Variants in FTCD observed in about 807,000 individuals in gnomAD.
The protein encoded by FTCD is formimidoyltransferase cyclodeaminase.
Under a neutral mutation model 62.9 loss-of-function variants are expected in FTCD, and 76 were observed. That is an observed-to-expected ratio of 1.21 (90% CI 1.00 to 1.46). The LOEUF is 1.46. Among genes scored for constraint, FTCD ranks in the 40% most tolerant of loss-of-function variants. The pLI is 0.00. For missense variants in FTCD, 845 were observed against 751.3 expected, an observed-to-expected ratio of 1.12 and a Z score of -1.46; for synonymous variants, 397 against 336.9, an observed-to-expected ratio of 1.18 and a Z score of -1.95.
At chr21:46,146,501 G>A (rs2079151417) in intron 7 of FTCD, 174 bp from the exon 8 acceptor site, 1 of 620,890 alleles carries the variant, frequency 1.6e-6, no homozygotes. Context: ...GCCCCGCCAG[G>A]AGCCCTGTGG....
rs1022880124 is a variant in FTCD, at chr21:46,151,474, C to T, written c.636+84G>A. The T allele has an allele frequency of 6.9e-6, 9 of 1,304,134 alleles. No homozygotes were observed. The South Asian group carries it at 8.4e-5, about 12-fold the overall frequency. 80.8% of individuals were successfully genotyped at this position (1,304,134 alleles called of 1,614,324 possible). A position where few individuals can be genotyped will look rare whatever the true frequency, so the allele number is the denominator to read the frequency against. ...TGTCCGGCCGGTGCCCCATCCCCAC[C>T]GACCTCCCCGCCTGAGGCTCTCAGC... On this transcript the variant is annotated intron_variant, in intron 5 of 13. Transcript: ENST00000397746.
chr21:46,154,371 G>A (rs758925567), intron 1 of FTCD, 39 bp from the exon 2 acceptor site: 51 of 1,586,968 alleles, frequency 3.2e-5, no homozygotes, highest in African/African-American at 6.7e-5. Context: ...CAGTCTCCCC[G>A]TTTGAAAGAA....
chr21:46,154,087 G>A, intron 2 of FTCD, 62 bp downstream of exon 2: 1 of 1,560,164 alleles, frequency 6.4e-7, no homozygotes, highest in Non-Finnish European at 8.8e-7. Context: ...CAGGACACCA[G>A]GACAGGGCTC....
intron 1 of FTCD, among the ~76,000 whole-genome samples, chr21:46,154,893 A>G (rs1030996285): frequency 4.6e-5 from 7 of 152,172 alleles, no homozygotes; most frequent in Non-Finnish European, 7.4e-5. Context: ...GCGCTCTGGG[A>G]GGCCTTCCAG....
At position 46,138,936 on chromosome 21, in the gene FTCD, G is replaced by C. The variant is rs372484759; in HGVS notation, c.1261-13C>G. 1.1e-4 allele frequency: 185 copies of C among 1,609,760 alleles called. No individual in the cohort carries two copies. Among genetic ancestry groups the C allele is most frequent in the Middle Eastern group, 1.6e-4 (1 of 6,078 alleles). ...GCCTCATTGCTTCCTGCCATAAAGA[G>C]ACAGAACCACTGGGCGAGGGACCGT... On this transcript the variant is annotated splice_polypyrimidine_tract_variant and intron_variant, in intron 10 of 13. Coordinates refer to ENST00000397746, the MANE Select transcript of FTCD (RefSeq NM_206965.2).
At chr21:46,137,546 C>G (rs575308282) in intron 12 of FTCD, among the ~76,000 whole-genome samples, 1 of 152,328 alleles carries the variant, frequency 6.6e-6, no homozygotes, top group African/African-American at 2.4e-5. Context: ...GGGCTCAGCC[C>G]CACAGGAGGC....
chr21:46,137,014 C>A lies in FTCD; in HGVS notation c.1599G>T (p.Leu533=), dbSNP rs1168876984. 3.7e-6 allele frequency: 6 copies of A among 1,613,452 alleles called. No homozygotes were observed. Among genetic ancestry groups the A allele is most frequent in the Non-Finnish European group, 5.1e-6 (6 of 1,179,998 alleles). The change falls in exon 14 of 14, where the codon CTG becomes CTT. Residue 533 remains leucine (L), a synonymous_variant. Coordinates refer to ENST00000397746, the MANE Select transcript of FTCD (RefSeq NM_206965.2). ...QEAKTQAALV[L]DCLETRQE ...ACTCCTGCCGGGTCTCCAAGCAGTC[C>A]AGCACCAGTGCAGCCTGGGTCTTGG...
At chr21:46,136,654 C>A, downstream of FTCD, 4 of 1,473,162 alleles carry the variant, frequency 2.7e-6, no homozygotes, top group South Asian at 5.5e-5. Flanking sequence ...TGTCTCCTCA[C>A]GCTGCAACCC....
intron 2 of FTCD, 59 bp from the exon 3 acceptor site, chr21:46,153,094 A>G: frequency 6.6e-7 from 1 of 1,514,340 alleles, no homozygotes; most frequent in South Asian, 1.2e-5. Context: ...TGGGAGCTCC[A>G]CGGGGTTCTC....
rs1302716552 is a variant in FTCD, at chr21:46,154,152, G to C, written c.235C>G (p.Gln79Glu). Residue 79 changes from glutamine (Q) to glutamate (E), a missense_variant, in exon 2 of 14, where the codon CAA becomes GAA. Coordinates refer to ENST00000397746, the MANE Select transcript of FTCD (RefSeq NM_206965.2). ...ASRLIDMSRH[Q>E]GEHPRMGALD... Reference sequence around the variant, plus strand: ...CAGGAGAGCCCAGAGACCTCACCTTGGTGCCTGCTCATGTCGATAAGTCGG... The same window carrying C: ...CAGGAGAGCCCAGAGACCTCACCTTCGTGCCTGCTCATGTCGATAAGTCGG... 5 of 1,612,514 alleles carry C rather than the reference G, an allele frequency of 3.1e-6. No homozygotes were observed. The African/African-American group carries it at 6.7e-5, about 22-fold the overall frequency.
chr21:46,141,109 C>T (rs1209354133), intron 10 of FTCD, among the ~76,000 whole-genome samples: 1 of 151,490 alleles, frequency 6.6e-6, no homozygotes, highest in Non-Finnish European at 1.5e-5. Flanking sequence ...TTTTAAATTT[C>T]TAAACATAAA....
chr21:46,147,623 C>A (rs989653653), intron 7 of FTCD, among the ~76,000 whole-genome samples: 2 of 152,120 alleles, frequency 1.3e-5, no homozygotes, highest in African/African-American at 4.8e-5. Context: ...AGGCCGCAGG[C>A]ATGGGGCCCT....
In FTCD at chr21:46,138,587, G is replaced by A. The variant is rs61735840; in HGVS notation, c.1364C>T (p.Ala455Val). ...CGGCCACAGCGAGGCCACCGTCTCC[G>A]CCAGCGTCAGCGGCACAGAGACTGC... ...RRAVSVPLTL[A>V]ETVASLWPAL... Residue 455 changes from alanine to valine, a missense_variant, in exon 12 of 14, where the codon GCG becomes GTG. Physicochemically the swap from Ala to Val is moderately conservative, Grantham distance 64. Transcript: ENST00000397746. 332 of 1,589,234 alleles carry A rather than the reference G, an allele frequency of 2.1e-4. No individual in the cohort carries two copies. Among genetic ancestry groups the A allele is most frequent in the African/African-American group, 1.6e-3 (123 of 74,834 alleles).
chr21:46,137,061 C>T lies in FTCD; in HGVS notation c.1552G>A (p.Val518Ile), dbSNP rs1601286912. ...TTGGCTTCCTGCAGGAGGCTGGAAA[C>T]ACGATGGTGGATCTGATGGACACAG... ...EAFKDQIHHR[V>I]SSLLQEAKTQ... Residue 518 changes from valine to isoleucine, a missense_variant, in exon 14 of 14, where the codon GTT (valine) becomes ATT (isoleucine). Val to Ile is a conservative substitution (Grantham distance 29, BLOSUM62 3). Coordinates refer to ENST00000397746, the MANE Select transcript of FTCD (RefSeq NM_206965.2). The T allele has an allele frequency of 6.2e-7, 1 of 1,613,856 alleles. No homozygotes were observed. The highest frequency in any genetic ancestry group is 8.5e-7 in the Non-Finnish European group (1 of 1,180,028).
intron 2 of FTCD, 135 bp from the exon 3 acceptor site, chr21:46,153,170 AC>A: frequency 1.0e-6 from 1 of 954,100 alleles, no homozygotes; most frequent in Non-Finnish European, 1.5e-6. Context: ...GCTCACACTG[AC>A]CCACAGGGAG....
chr21:46,149,806 G>A (rs1016691671), intron 7 of FTCD, among the ~76,000 whole-genome samples: 10 of 152,198 alleles, frequency 6.6e-5, no homozygotes, highest in African/African-American at 4.8e-5. Flanking sequence ...GGTGCAGGAC[G>A]CCCCGATGGA....
At chr21:46,153,894 C>A (rs1281887882) in intron 2 of FTCD, among the ~76,000 whole-genome samples, 1 of 152,180 alleles carries the variant, frequency 6.6e-6, no homozygotes, top group African/African-American at 2.4e-5. Flanking sequence ...CCCCTCCCCC[C>A]ACCCAGCCGT....
chr21:46,149,752 C>T (rs1346729002), intron 7 of FTCD, among the ~76,000 whole-genome samples: 1 of 152,126 alleles, frequency 6.6e-6, no homozygotes, highest in Non-Finnish European at 1.5e-5. Flanking sequence ...GGATCTAAGT[C>T]CCATAGCTAA....
downstream of FTCD, chr21:46,136,738 C>T (rs774435127): frequency 1.1e-5 from 16 of 1,483,792 alleles, no homozygotes; most frequent in East Asian, 2.5e-5. Flanking sequence ...CGCAGCTCAG[C>T]TCTCAGCCCT....
Sources: gnomAD v4.1 joint callset for allele counts (sites outside exome capture counted in the v4.1 genomes callset) on GRCh38, gnomAD v4.1.1 for gene constraint, MANE v1.5 for transcripts, NCBI Gene and HGNC (gene_info 2026-07-23, HGNC 2026-07-21) for gene names.